KCTD16: variants seen among roughly 807,000 people sequenced by gnomAD.
KCTD16 encodes the protein BTB/POZ domain-containing protein KCTD16.
A neutral mutation model predicts 33.2 loss-of-function variants in KCTD16; 13 were observed. The observed-to-expected ratio is 0.39, with a 90% CI of 0.25 to 0.62. The LOEUF (loss-of-function observed/expected upper bound fraction) is 0.62. KCTD16 is among the 20% of genes least tolerant of loss of function. KCTD16 has a pLI of 0.50. For missense variants in KCTD16, 441 were observed against 525.1 expected, an observed-to-expected ratio of 0.84 and a Z score of 1.57; for synonymous variants, 197 against 195.3, an observed-to-expected ratio of 1.01 and a Z score of -0.07.
chr5:144,273,354 G>A (rs1755353237), intron 3 of KCTD16, among the ~76,000 whole-genome samples: 1 of 152,136 alleles, frequency 6.6e-6, no homozygotes, highest in Admixed American at 6.6e-5. Flanking sequence ...TGGAGAAACT[G>A]AAACCCTGTG....
chr5:144,333,080 A>G (rs1386535854), intron 3 of KCTD16, among the ~76,000 whole-genome samples: 1 of 152,116 alleles, frequency 6.6e-6, no homozygotes, highest in Non-Finnish European at 1.5e-5. Flanking sequence ...ACAATTCGAG[A>G]TGAGATTTGA....
At chr5:144,418,117 A>C (rs893209882) in intron 3 of KCTD16, among the ~76,000 whole-genome samples, 2 of 152,106 alleles carry the variant, frequency 1.3e-5, no homozygotes, top group Admixed American at 1.3e-4. Flanking sequence ...GTGGGTTGGT[A>C]GGTTCTCCTG....
chr5:144,271,587 A>G (rs1304398), intron 3 of KCTD16, among the ~76,000 whole-genome samples: 50,701 of 152,014 alleles, frequency 0.33, 9,090 homozygotes, highest in African/African-American at 0.46. Context: ...TTAAAGCAGG[A>G]ACAAGGCAAG....
intron 3 of KCTD16, among the ~76,000 whole-genome samples, chr5:144,421,815 C>G (rs1456610629): frequency 6.6e-6 from 1 of 152,024 alleles, no homozygotes; most frequent in African/African-American, 2.4e-5. Flanking sequence ...CCCTTAGAAT[C>G]CAGGGAGAAA....
At chr5:144,315,864 T>G (rs1475901147) in intron 3 of KCTD16, among the ~76,000 whole-genome samples, 5 of 152,222 alleles carry the variant, frequency 3.3e-5, no homozygotes, top group Admixed American at 2.6e-4. Flanking sequence ...ACTTAAGATT[T>G]TATTTTAACT....
At chr5:144,378,054 A>G (rs1752131448) in intron 3 of KCTD16, among the ~76,000 whole-genome samples, 2 of 152,212 alleles carry the variant, frequency 1.3e-5, no homozygotes, top group African/African-American at 4.8e-5. Flanking sequence ...AAAACAAAGG[A>G]ACTTAAACAC....
intron 3 of KCTD16, among the ~76,000 whole-genome samples, chr5:144,473,073 A>G (rs1754513456): frequency 6.6e-6 from 1 of 152,144 alleles, no homozygotes. Context: ...GTTAAGAACC[A>G]AGGAGCTGAG....
chr5:144,406,377 A>G (rs965143591), intron 3 of KCTD16, among the ~76,000 whole-genome samples: 2 of 152,374 alleles, frequency 1.3e-5, no homozygotes, highest in East Asian at 1.9e-4. Flanking sequence ...AAGGAAAAGA[A>G]AAGTCCTTAA....
intron 3 of KCTD16, among the ~76,000 whole-genome samples, chr5:144,317,924 T>C (rs763288772): frequency 6.6e-6 from 1 of 152,256 alleles, no homozygotes; most frequent in Non-Finnish European, 1.5e-5. Flanking sequence ...TATTCATCTG[T>C]ATTTCCCCGG....
chr5:144,416,237 A>AAT (rs1235557405), intron 3 of KCTD16, among the ~76,000 whole-genome samples: 371 of 152,302 alleles, frequency 2.4e-3, no homozygotes, highest in African/African-American at 8.4e-3. Context: ...CAAAATATTT[A>AAT]GTTTTGTTTC....
intron 3 of KCTD16, among the ~76,000 whole-genome samples, chr5:144,343,059 C>T (rs1752689066): frequency 6.6e-6 from 1 of 152,104 alleles, no homozygotes; most frequent in East Asian, 1.9e-4. Flanking sequence ...TGTGTCTCTG[C>T]CAGGCTTTGG....
rs780782051 is a variant in KCTD16 at position 144,206,427 on chromosome 5, A to G, written c.-288A>G. On this transcript the variant is annotated 5_prime_UTR_variant, in exon 3 of 4. An upstream start codon of the reference 5' UTR is lost. Transcript: ENST00000512467. ...TAACTGGGGAATTGGCCTGCCTTGC[A>G]TGTGAGCTTGATGGAAGATTGGATA... 68 of 319,128 alleles carry G rather than the reference A, an allele frequency of 2.1e-4. No individual in the cohort carries two copies. Among genetic ancestry groups the G allele is most frequent in the Admixed American group, 1.0e-3 (23 of 22,196 alleles). 19.8% of individuals were successfully genotyped at this position (319,128 alleles called of 1,614,324 possible).
chr5:144,472,873 C>T (rs930398433), intron 3 of KCTD16, among the ~76,000 whole-genome samples: 5 of 152,150 alleles, frequency 3.3e-5, no homozygotes, highest in South Asian at 2.1e-4. Flanking sequence ...GTAGAAGCAA[C>T]GATTTTACTA....
At chr5:144,220,864 G>A (rs1753725778) in intron 3 of KCTD16, among the ~76,000 whole-genome samples, 1 of 151,548 alleles carries the variant, frequency 6.6e-6, no homozygotes, top group Non-Finnish European at 1.5e-5. Flanking sequence ...TGGCATGAAC[G>A]CAGGAGACGG....
chr5:144,176,392 T>C (rs928253184), intron 2 of KCTD16, among the ~76,000 whole-genome samples: 8 of 139,544 alleles, frequency 5.7e-5, no homozygotes, highest in Middle Eastern at 3.5e-3. Context: ...TGTTTCTTTT[T>C]TTTTTTTTTT....
intron 3 of KCTD16, among the ~76,000 whole-genome samples, chr5:144,346,266 ACTTAGATTGCTTT>A: frequency 6.6e-6 from 1 of 152,292 alleles, no homozygotes; most frequent in South Asian, 2.1e-4. Flanking sequence ...GTTGATGGAC[ACTTAGATTGCTTT>A]CAAACCTTAG....
chr5:144,372,435 T>C (rs1751989387), intron 3 of KCTD16, among the ~76,000 whole-genome samples: 1 of 152,158 alleles, frequency 6.6e-6, no homozygotes, highest in Non-Finnish European at 1.5e-5. Context: ...GAAGATAGTG[T>C]TTTCTTTAGA....
At chr5:144,277,955 G>A (rs915708045) in intron 3 of KCTD16, among the ~76,000 whole-genome samples, 1 of 152,052 alleles carries the variant, frequency 6.6e-6, no homozygotes, top group Admixed American at 6.5e-5. Flanking sequence ...GTTATTTGTG[G>A]CTATTTTCTC....
At chr5:144,355,821 T>C (rs1189287811) in intron 3 of KCTD16, among the ~76,000 whole-genome samples, 3 of 152,160 alleles carry the variant, frequency 2.0e-5, no homozygotes, top group Non-Finnish European at 2.9e-5. Flanking sequence ...TTTCATTTGT[T>C]CTATCTACTC....
Sources: gnomAD v4.1 joint callset for allele counts (sites outside exome capture counted in the v4.1 genomes callset) on GRCh38, gnomAD v4.1.1 for gene constraint, MANE v1.5 for transcripts, NCBI Gene and HGNC (gene_info 2026-07-23, HGNC 2026-07-21) for gene names.